SEMA4B: variants seen among roughly 807,000 people sequenced by gnomAD.
The protein encoded by SEMA4B is semaphorin-4B.
Under a neutral mutation model 88.1 loss-of-function variants are expected in SEMA4B, and 55 were observed. The observed-to-expected ratio is 0.62, with a 90% CI of 0.50 to 0.78. The LOEUF is 0.78. Ranked by LOEUF, SEMA4B falls within the 30% of genes least tolerant of loss-of-function variation. The pLI is 0.00. For synonymous variants in SEMA4B, 525 were observed against 473.6 expected, an observed-to-expected ratio of 1.11 and a Z score of -1.41; for missense variants, 1,062 against 1,111.9, an observed-to-expected ratio of 0.96 and a Z score of 0.64.
chr15:90,225,985 A>G (rs548591461), intron 12 of SEMA4B, among the ~76,000 whole-genome samples, 158 bp downstream of exon 12: 39 of 152,334 alleles, frequency 2.6e-4, no homozygotes, highest in African/African-American at 8.9e-4. Context: ...CTCAAGTGCA[A>G]TTCAGACAGG....
chr15:90,225,874 G>A, intron 12 of SEMA4B, 47 bp downstream of exon 12: 1 of 1,420,174 alleles, frequency 7.0e-7, no homozygotes, highest in Middle Eastern at 1.8e-4. Flanking sequence ...CCCTGCACAG[G>A]TGACCTCGGA....
At chr15:90,208,701 CT>C (rs1393918335) in intron 1 of SEMA4B, among the ~76,000 whole-genome samples, 2 of 152,064 alleles carry the variant, frequency 1.3e-5, no homozygotes, top group African/African-American at 4.8e-5. Flanking sequence ...CCCTACCATA[CT>C]TTCAGCTGTC....
Position 90,229,224 on chromosome 15 carries a change from G to A in SEMA4B, c.*581G>A, listed in dbSNP as rs765999316. ...TCGTCCCACCACCTCAGGGACCAGA[G>A]GGCTAGGTTGGCACTGCGGCCCTCA... is the stretch of plus-strand genomic sequence containing the variant. On this transcript the variant is annotated 3_prime_UTR_variant, in exon 14 of 14. Coordinates refer to ENST00000411539, the MANE Select transcript of SEMA4B (RefSeq NM_198925.4). 3.2e-5 allele frequency: 14 copies of A among 442,864 alleles called. No homozygotes were observed. The highest frequency in any genetic ancestry group is 5.9e-5 in the Non-Finnish European group (13 of 218,936). The allele number at this position is 442,864 out of a possible 1,614,324, so 27.4% of individuals were successfully genotyped here.
At chr15:90,194,393 G>A (rs1443664071) in intron 1 of SEMA4B, among the ~76,000 whole-genome samples, 4 of 151,980 alleles carry the variant, frequency 2.6e-5, no homozygotes, top group Non-Finnish European at 5.9e-5. Context: ...TTAGCCGGGC[G>A]TGGTGGCGCA....
chr15:90,194,127 C>A (rs550213668), intron 1 of SEMA4B, among the ~76,000 whole-genome samples: 1 of 152,056 alleles, frequency 6.6e-6, no homozygotes, highest in Non-Finnish European at 1.5e-5. Flanking sequence ...GCTCAGATTA[C>A]GGGCAATGAG....
In SEMA4B at chr15:90,206,692, C is replaced by G. The variant is rs1961006812; in HGVS notation, c.157+4957C>G. The G allele has an allele frequency of 5.6e-6, 4 of 720,000 alleles. 1 individual carries two copies. In the South Asian group the frequency reaches 6.1e-5, roughly 11 times the overall value. The allele number at this position is 720,000 out of a possible 1,614,324, so 44.6% of individuals were successfully genotyped here. A position where few individuals can be genotyped will look rare whatever the true frequency, so the allele number is the denominator to read the frequency against. ...ATGGAATTCGCAAAGCTACCAAAGC[C>G]TTAGACAAGCGCCAAGCCCATCTTT... On this transcript the variant is annotated intron_variant, in intron 1 of 13. Coordinates refer to ENST00000411539, the MANE Select transcript of SEMA4B (RefSeq NM_198925.4).
intron 7 of SEMA4B, among the ~76,000 whole-genome samples, chr15:90,222,971 T>TACA (rs3029968): frequency 8.1e-6 from 1 of 123,636 alleles, no homozygotes; most frequent in African/African-American, 3.6e-5. Context: ...TATATATACA[T>TACA]TTTTTTTTTT....
intron 3 of SEMA4B, 86 bp from the exon 4 acceptor site, chr15:90,219,707 C>T (rs1350091566): frequency 5.0e-6 from 5 of 1,001,460 alleles, no homozygotes; most frequent in African/African-American, 1.8e-5. Flanking sequence ...AGAGGCCGGG[C>T]CTGGGTGTGG....
upstream of SEMA4B, chr15:90,201,234 C>T: frequency 1.1e-6 from 1 of 878,668 alleles, no homozygotes; most frequent in Non-Finnish European, 1.4e-6. Context: ...CGAGCTGCCG[C>T]CCCTCGCGCT....
intron 1 of SEMA4B, chr15:90,193,584 C>T (rs961989897): frequency 1.1e-4 from 16 of 152,346 alleles, no homozygotes; most frequent in African/African-American, 3.8e-4. Context: ...GAGGCCGCAT[C>T]AGCCCCTGTC....
intron 9 of SEMA4B, 105 bp from the exon 10 acceptor site, chr15:90,224,862 CG>C: frequency 2.2e-6 from 2 of 921,760 alleles, no homozygotes; most frequent in South Asian, 1.4e-5. Context: ...GCCCTGGCTC[CG>C]GGCGGGGGGA....
intron 13 of SEMA4B, 111 bp from the exon 14 acceptor site, chr15:90,227,783 TCCCAGGGGTC>T: frequency 6.7e-7 from 1 of 1,500,334 alleles, no homozygotes; most frequent in Non-Finnish European, 9.1e-7. Flanking sequence ...GAAGACTCAG[TCCCAGGGGTC>T]CCCGGAGTTG....
At chr15:90,220,627 C>T (rs1382375771) in intron 4 of SEMA4B, among the ~76,000 whole-genome samples, 2 of 151,856 alleles carry the variant, frequency 1.3e-5, no homozygotes, top group Non-Finnish European at 2.9e-5. Context: ...CCTCGGCCTC[C>T]CAGAGTGCTG....
chr15:90,215,233 T>TC (rs60538218), intron 1 of SEMA4B, among the ~76,000 whole-genome samples: 2 of 151,516 alleles, frequency 1.3e-5, no homozygotes, highest in African/African-American at 2.4e-5. Flanking sequence ...TTTTTTTTTT[T>TC]CTTTGATTTA....
In SEMA4B at chr15:90,225,830, G is replaced by T; in HGVS notation, c.1688+3G>T. ...TACCAGCCTCAGCTGGCCACCAGGT[G>T]AGCACTCCCAAAGGCCCCTTCCCAT... On this transcript the variant is annotated splice_donor_region_variant and intron_variant, in intron 12 of 13. Coordinates refer to ENST00000411539, the MANE Select transcript of SEMA4B (RefSeq NM_198925.4). The T allele has an allele frequency of 6.6e-7, 1 of 1,518,764 alleles. No individual in the cohort carries two copies. The highest frequency in any genetic ancestry group is 1.9e-5 in the Admixed American group (1 of 51,844). 94.1% of individuals were successfully genotyped at this position (1,518,764 alleles called of 1,614,324 possible).
At chr15:90,204,908 T>G (rs531521295) in intron 1 of SEMA4B, among the ~76,000 whole-genome samples, 12 of 152,306 alleles carry the variant, frequency 7.9e-5, no homozygotes, top group Admixed American at 7.2e-4. Context: ...CTCGAGCAGC[T>G]GAGACTACAG....
intron 1 of SEMA4B, among the ~76,000 whole-genome samples, chr15:90,215,492 T>A (rs12441378): frequency 0.29 from 44,400 of 152,090 alleles, 6,908 homozygotes; most frequent in Non-Finnish European, 0.34. Flanking sequence ...CTTGTTGTTA[T>A]TCTGCAAAAA....
At chr15:90,217,388 G>T (rs370460692) in intron 1 of SEMA4B, 51 bp from the exon 2 acceptor site, 16 of 1,564,484 alleles carry the variant, frequency 1.0e-5, no homozygotes, top group African/African-American at 6.8e-5. Flanking sequence ...GTGTTAAGAG[G>T]CTTCCCATGG....
upstream of SEMA4B, among the ~76,000 whole-genome samples, chr15:90,198,258 A>C (rs977781251): frequency 6.6e-6 from 1 of 152,224 alleles, no homozygotes; most frequent in East Asian, 1.9e-4. Flanking sequence ...TAAAAAAAAT[A>C]GTTCTGGTTG....
Sources: gnomAD v4.1 joint callset for allele counts (sites outside exome capture counted in the v4.1 genomes callset) on GRCh38, gnomAD v4.1.1 for gene constraint, MANE v1.5 for transcripts, NCBI Gene and HGNC (gene_info 2026-07-23, HGNC 2026-07-21) for gene names.